CACNA2D1: variants seen among roughly 807,000 people sequenced by gnomAD.
The protein encoded by CACNA2D1 is calcium voltage-gated channel auxiliary subunit alpha2delta 1, also known as voltage-dependent calcium channel subunit alpha-2/delta-1.
CACNA2D1 carries 53 observed loss-of-function variants against 171.5 expected under a neutral mutation model. The observed-to-expected ratio is 0.31, with a 90% CI of 0.25 to 0.39. The LOEUF (loss-of-function observed/expected upper bound fraction) is 0.39, where lower values mean the gene tolerates loss of function less well. Among genes scored for constraint, CACNA2D1 ranks in the 10% least tolerant of loss-of-function variants. The pLI, the probability that CACNA2D1 is intolerant of heterozygous loss-of-function variation, is 1.00. For missense variants in CACNA2D1, 903 were observed against 1,299.8 expected, an observed-to-expected ratio of 0.69 and a Z score of 4.69; for synonymous variants, 442 against 443.1, an observed-to-expected ratio of 1.00 and a Z score of 0.03.
intron 7 of CACNA2D1, among the ~76,000 whole-genome samples, chr7:82,082,387 A>G (rs1037767275): frequency 2.6e-5 from 4 of 152,046 alleles, no homozygotes; most frequent in African/African-American, 9.7e-5. Context: ...TCATCCCTCT[A>G]CCTGATGTCA....
chr7:81,976,037 A>G (rs746762916), intron 24 of CACNA2D1, among the ~76,000 whole-genome samples: 1 of 151,956 alleles, frequency 6.6e-6, no homozygotes, highest in Non-Finnish European at 1.5e-5. Context: ...TCCTAACACA[A>G]TCATACAGGT....
intron 3 of CACNA2D1, among the ~76,000 whole-genome samples, chr7:82,210,398 G>T (rs1800435740): frequency 3.9e-5 from 6 of 152,190 alleles, no homozygotes; most frequent in Admixed American, 2.0e-4. Context: ...AGGTCTCTTG[G>T]ATTGGATTTC....
intron 7 of CACNA2D1, among the ~76,000 whole-genome samples, chr7:82,070,968 C>G (rs952760052): frequency 6.6e-6 from 1 of 151,882 alleles, no homozygotes; most frequent in African/African-American, 2.4e-5. Context: ...ATAAAACATA[C>G]CAGTATTAAG....
At chr7:82,367,339 C>A (rs535703117) in intron 1 of CACNA2D1, among the ~76,000 whole-genome samples, 8 of 152,100 alleles carry the variant, frequency 5.3e-5, no homozygotes, top group African/African-American at 1.7e-4. Context: ...AAAAGCTATT[C>A]CTAACAGTGT....
intron 24 of CACNA2D1, among the ~76,000 whole-genome samples, chr7:81,976,783 G>A (rs892225214): frequency 6.6e-6 from 1 of 152,212 alleles, no homozygotes; most frequent in Admixed American, 6.5e-5. Flanking sequence ...GAACCCAGAA[G>A]GTGGAGGTTG....
At chr7:82,153,781 AC>A (rs2129116202) in intron 4 of CACNA2D1, among the ~76,000 whole-genome samples, 1 of 152,040 alleles carries the variant, frequency 6.6e-6, no homozygotes, top group South Asian at 2.1e-4. Flanking sequence ...TCCTCCCTCC[AC>A]CCACCAAACC....
rs9969119 is a variant in CACNA2D1, at chr7:82,190,678, T to G, written c.295-20069A>C. 9.5e-3 allele frequency among the ~76,000 whole-genome samples: 1,440 copies of G among 151,824 alleles called. 20 individuals carry two copies. The highest frequency in any genetic ancestry group is 0.032 in the African/African-American group (1,345 of 41,524). ...GAGCTTTGGGCCATTTTCAATAAAATAATGAAATCCTCCCAATATCCTTAA... is the reference window on the plus strand; with the variant it reads ...GAGCTTTGGGCCATTTTCAATAAAAGAATGAAATCCTCCCAATATCCTTAA... On this transcript the variant is annotated intron_variant, in intron 3 of 38. Coordinates refer to ENST00000356860, the MANE Select transcript of CACNA2D1 (RefSeq NM_000722.4).
rs548753264 is a variant in CACNA2D1 at position 82,341,280 on chromosome 7, A to T, written c.178-6029T>A. ...TCATTAAGTCTCTTTTTTCTTTATC[A>T]TAAGTCTCCTCATCATCTAAGCTGG... is the stretch of plus-strand genomic sequence containing the variant. On this transcript the variant is annotated intron_variant, in intron 2 of 38. Coordinates refer to ENST00000356860, the MANE Select transcript of CACNA2D1 (RefSeq NM_000722.4). Among the ~76,000 whole-genome samples the T allele has an allele frequency of 8.5e-5, 13 of 152,216 alleles. No individual in the cohort carries two copies. In the South Asian group the frequency reaches 2.7e-3, roughly 32 times the overall value.
At chr7:82,006,143 A>G (rs905632018) in intron 16 of CACNA2D1, among the ~76,000 whole-genome samples, 4 of 151,992 alleles carry the variant, frequency 2.6e-5, no homozygotes, top group African/African-American at 4.8e-5. Context: ...TTTCACTGCT[A>G]TTGTACGGTC....
chr7:82,167,881 C>T (rs38540), intron 4 of CACNA2D1, among the ~76,000 whole-genome samples: 132,832 of 152,068 alleles, frequency 0.87, 58,199 homozygotes, highest in East Asian at 0.97. Flanking sequence ...TGGTGACCAC[C>T]ATTTGCTAAG....
chr7:82,091,888 A>C (rs552676780), intron 6 of CACNA2D1, among the ~76,000 whole-genome samples: 1 of 152,308 alleles, frequency 6.6e-6, no homozygotes, highest in South Asian at 2.1e-4. Flanking sequence ...CTATTCGTCT[A>C]AAAAAATGAA....
chr7:81,957,513 G>C (rs1188329108), intron 38 of CACNA2D1, among the ~76,000 whole-genome samples: 1 of 152,024 alleles, frequency 6.6e-6, no homozygotes, highest in Non-Finnish European at 1.5e-5. Context: ...CTGACATCAT[G>C]GTACAGGCAC....
At chr7:82,016,332 G>GA (rs1395526441) in intron 12 of CACNA2D1, among the ~76,000 whole-genome samples, 2 of 152,058 alleles carry the variant, frequency 1.3e-5, no homozygotes, top group African/African-American at 2.4e-5. Flanking sequence ...AGCACTGGGG[G>GA]ATCTCTCTCA....
At chr7:82,244,391 T>C (rs1804669110) in intron 3 of CACNA2D1, among the ~76,000 whole-genome samples, 1 of 152,142 alleles carries the variant, frequency 6.6e-6, no homozygotes, top group Non-Finnish European at 1.5e-5. Flanking sequence ...GCAAGAAATC[T>C]AAAATATTAA....
intron 1 of CACNA2D1, among the ~76,000 whole-genome samples, chr7:82,385,655 G>GTTTTGTTTTGTTGTTTCTTGTTTTT (rs372745687): frequency 2.0e-5 from 3 of 151,662 alleles, no homozygotes; most frequent in African/African-American, 7.3e-5. Flanking sequence ...TGGTTGTTTT[G>GTTTTGTTTTGTTGTTTCTTGTTTTT]TTTTGTTTTG....
chr7:82,084,791 A>T lies in CACNA2D1; in HGVS notation c.636T>A (p.Thr212=), dbSNP rs1810250891. Residue 212 remains threonine, a synonymous_variant, in exon 7 of 39, where the codon ACT becomes ACA. Transcript: ENST00000356860. ...TACCTGGATAATATCGAGCTAGGCCAGTGGCACTGCCAAAAACCTGCCACA... is the reference window on the plus strand; with the variant it reads ...TACCTGGATAATATCGAGCTAGGCCTGTGGCACTGCCAAAAACCTGCCACA... ...SLLWQVFGSA[T]GLARYYPASP... The T allele has an allele frequency of 1.9e-6, 3 of 1,614,096 alleles. No individual in the cohort carries two copies. The highest frequency in any genetic ancestry group is 2.5e-6 in the Non-Finnish European group (3 of 1,179,934).
intron 7 of CACNA2D1, among the ~76,000 whole-genome samples, chr7:82,074,695 G>A (rs1808744775): frequency 6.6e-6 from 1 of 152,066 alleles, no homozygotes; most frequent in African/African-American, 2.4e-5. Flanking sequence ...CAGAAGTTCT[G>A]CCTTGTTCTT....
chr7:82,349,051 T>C (rs373150114), intron 2 of CACNA2D1, among the ~76,000 whole-genome samples: 2 of 152,160 alleles, frequency 1.3e-5, no homozygotes, highest in East Asian at 1.9e-4. Flanking sequence ...TCGTCTTTTA[T>C]AGAGTCTCCT....
intron 1 of CACNA2D1, among the ~76,000 whole-genome samples, chr7:82,425,902 G>C (rs1049531185): frequency 6.6e-6 from 1 of 151,222 alleles, no homozygotes; most frequent in South Asian, 2.1e-4. Context: ...GCTGAGGCAG[G>C]TGGATCACCT....
Sources: allele counts gnomAD v4.1 joint callset (sites outside exome capture counted in the v4.1 genomes callset), GRCh38; gene constraint gnomAD v4.1.1; transcripts MANE v1.5; gene names NCBI Gene and HGNC (gene_info 2026-07-23, HGNC 2026-07-21).